Variants in SLC12A8 observed in about 807,000 individuals in gnomAD.
The protein encoded by SLC12A8 is cation-chloride cotransporter 9.
SLC12A8 carries 69 observed loss-of-function variants against 75.6 expected under a neutral mutation model. The ratio of observed to expected loss-of-function variants is 0.91; its 90% CI spans 0.75 to 1.11. The LOEUF is 1.11. SLC12A8 is among the 50% of genes most tolerant of loss of function. SLC12A8 has a pLI of 0.00. For synonymous variants in SLC12A8, 365 were observed against 372.8 expected, an observed-to-expected ratio of 0.98 and a Z score of 0.24; for missense variants, 877 against 896.7, an observed-to-expected ratio of 0.98 and a Z score of 0.28.
At position 125,088,072 on chromosome 3, in the gene SLC12A8, T is replaced by C. The variant is rs190901362; in HGVS notation, c.1982+238A>G. The C allele has an allele frequency of 6.7e-5, 35 of 520,264 alleles. No homozygotes were observed. In the Middle Eastern group the frequency reaches 1.5e-3, roughly 23 times the overall value. 32.2% of individuals were successfully genotyped at this position (520,264 alleles called of 1,614,324 possible). On this transcript the variant is annotated intron_variant, in intron 13 of 13. Coordinates refer to ENST00000469902, the MANE Select transcript of SLC12A8 (RefSeq NM_024628.6). ...AAATAAAGCCTCTGTTCTTGATGAC[T>C]GAGGATAAGAAGGGAAGAGGACATG...
At chr3:125,194,512 A>G (rs1282062155) in intron 2 of SLC12A8, among the ~76,000 whole-genome samples, 1 of 152,212 alleles carries the variant, frequency 6.6e-6, no homozygotes, top group African/African-American at 2.4e-5. Context: ...TCAATCCTGC[A>G]TCCAGCAAGC....
chr3:125,118,413 C>T (rs911588455), intron 8 of SLC12A8, among the ~76,000 whole-genome samples: 2 of 152,048 alleles, frequency 1.3e-5, no homozygotes, highest in African/African-American at 4.8e-5. Context: ...CACTTGAGGC[C>T]AGGAGTTTAA....
At chr3:125,208,107 C>A (rs1269358866) in intron 2 of SLC12A8, among the ~76,000 whole-genome samples, 1 of 152,224 alleles carries the variant, frequency 6.6e-6, no homozygotes, top group Non-Finnish European at 1.5e-5. Flanking sequence ...AGTCTACCAC[C>A]AGAGCACACA....
At chr3:125,164,483 G>C (rs1444111210) in intron 5 of SLC12A8, among the ~76,000 whole-genome samples, 4 of 152,210 alleles carry the variant, frequency 2.6e-5, no homozygotes, top group Admixed American at 6.5e-5. Flanking sequence ...AACTAAGCAG[G>C]TGTTTGCTGT....
intron 3 of SLC12A8, among the ~76,000 whole-genome samples, chr3:125,188,653 C>A (rs1333318884): frequency 6.6e-6 from 1 of 152,198 alleles, no homozygotes; most frequent in Non-Finnish European, 1.5e-5. Context: ...AAGGAAGACT[C>A]CTGATAGTCA....
intron 5 of SLC12A8, among the ~76,000 whole-genome samples, chr3:125,162,108 G>A (rs1237489582): frequency 1.3e-5 from 2 of 152,262 alleles, no homozygotes; most frequent in Admixed American, 6.5e-5. Flanking sequence ...AGGGAGGCCT[G>A]GGGAGTATCC....
At chr3:125,181,069 C>G (rs1560078081) in intron 4 of SLC12A8, among the ~76,000 whole-genome samples, 1 of 152,148 alleles carries the variant, frequency 6.6e-6, no homozygotes, top group African/African-American at 2.4e-5. Context: ...ATTATGACTT[C>G]TGAGGGTAGA....
rs768867082 is a variant in SLC12A8 at position 125,187,363 on chromosome 3, C to G, written c.264G>C (p.Thr88=). The change falls in exon 4 of 14, where the codon ACG becomes ACC. Residue 88 remains threonine (T), a synonymous_variant. Coordinates refer to ENST00000469902, the MANE Select transcript of SLC12A8 (RefSeq NM_024628.6). ...VSFVILVALV[T]VLSGIGVGER... ...CCCCGACGCCAATGCCAGACAGCACCGTGACGAGGGCCACCAGGATGACGA... is the reference window on the plus strand; with the variant it reads ...CCCCGACGCCAATGCCAGACAGCACGGTGACGAGGGCCACCAGGATGACGA... 3 of 1,614,168 alleles carry G rather than the reference C, an allele frequency of 1.9e-6. No individual in the cohort carries two copies. In the South Asian group the frequency reaches 3.3e-5, roughly 18 times the overall value.
chr3:125,204,925 A>T (rs1359878584), intron 2 of SLC12A8, among the ~76,000 whole-genome samples: 1 of 152,208 alleles, frequency 6.6e-6, no homozygotes, highest in East Asian at 1.9e-4. Flanking sequence ...TCTCAGACCT[A>T]GTCAATTCTC....
At chr3:125,151,507 C>T (rs1201239756) in intron 5 of SLC12A8, 2 of 154,212 alleles carry the variant, frequency 1.3e-5, no homozygotes, top group African/African-American at 4.8e-5. Context: ...GGTTTGGGCT[C>T]ATCATGTTGT....
At chr3:125,212,332 T>C (rs1171214597) in intron 1 of SLC12A8, among the ~76,000 whole-genome samples, 1 of 152,090 alleles carries the variant, frequency 6.6e-6, no homozygotes, top group East Asian at 1.9e-4. Flanking sequence ...TGTCCCCGGC[T>C]GCCCGCGCCG....
intron 5 of SLC12A8, among the ~76,000 whole-genome samples, chr3:125,153,632 T>TTATG (rs923786938): frequency 4.0e-5 from 6 of 151,692 alleles, no homozygotes; most frequent in East Asian, 1.9e-4. Context: ...ATTTATGTAT[T>TTATG]TATTTATTTA....
At chr3:125,110,125 C>G in intron 9 of SLC12A8, 64 bp downstream of exon 9, 2 of 1,532,732 alleles carry the variant, frequency 1.3e-6, no homozygotes, top group Admixed American at 3.6e-5. Flanking sequence ...AATTGATGGG[C>G]CAACAGTGAG....
chr3:125,186,684 C>G (rs994537996), intron 4 of SLC12A8, among the ~76,000 whole-genome samples: 1 of 152,242 alleles, frequency 6.6e-6, no homozygotes, highest in Non-Finnish European at 1.5e-5. Context: ...GGAGTGCCTC[C>G]GTCCATTCTG....
At chr3:125,142,300 C>T (rs1933669498) in intron 5 of SLC12A8, among the ~76,000 whole-genome samples, 1 of 152,222 alleles carries the variant, frequency 6.6e-6, no homozygotes, top group Non-Finnish European at 1.5e-5. Context: ...CCCAGATGGG[C>T]TAAGAGGCAC....
intron 5 of SLC12A8, among the ~76,000 whole-genome samples, chr3:125,157,072 C>T (rs1316260793): frequency 6.6e-6 from 1 of 151,978 alleles, no homozygotes; most frequent in Non-Finnish European, 1.5e-5. Context: ...AATGTTGCTA[C>T]ATTAGTTTTA....
intron 5 of SLC12A8, among the ~76,000 whole-genome samples, chr3:125,177,480 T>A (rs890657744): frequency 1.3e-5 from 2 of 151,572 alleles, no homozygotes; most frequent in Admixed American, 6.6e-5. Flanking sequence ...ATAATAATAA[T>A]AAATAAATAA....
At chr3:125,120,512 C>T in intron 7 of SLC12A8, 87 bp downstream of exon 7, 3 of 959,616 alleles carry the variant, frequency 3.1e-6, no homozygotes, top group Non-Finnish European at 4.9e-6. Flanking sequence ...TCGGGGCACT[C>T]TCAGAACAAA....
intron 3 of SLC12A8, 48 bp from the exon 4 acceptor site, chr3:125,187,476 C>T (rs752212821): frequency 7.9e-5 from 123 of 1,564,198 alleles, no homozygotes; most frequent in Non-Finnish European, 1.0e-4. Flanking sequence ...GAGGAGGCCC[C>T]GCCAGCTCCC....
Sources: gnomAD v4.1 joint callset for allele counts (sites outside exome capture counted in the v4.1 genomes callset) on GRCh38, gnomAD v4.1.1 for gene constraint, MANE v1.5 for transcripts, NCBI Gene and HGNC (gene_info 2026-07-23, HGNC 2026-07-21) for gene names.